The following TMC2 variants were observed in gnomAD, a reference collection of about 807,000 sequenced individuals.
TMC2 encodes transmembrane channel like 2, also known as transmembrane channel-like protein 2.
Under a neutral mutation model 105.9 loss-of-function variants are expected in TMC2, and 102 were observed. The observed-to-expected ratio is 0.96, with a 90% confidence interval of 0.82 to 1.14. The LOEUF is 1.14. TMC2 is among the 50% of genes most tolerant of loss of function. TMC2 has a pLI of 0.00. For synonymous variants in TMC2, 402 were observed against 422.8 expected (o/e 0.95, Z 0.60); for missense variants, 1,093 against 1,134.3 (o/e 0.96, Z 0.52).
chr20:2,630,893 C>A (rs745311235), intron 17 of TMC2, among the ~76,000 whole-genome samples: 1 of 152,150 alleles, frequency 6.6e-6, no homozygotes, highest in Admixed American at 6.5e-5. Context: ...TAGTGTTTAT[C>A]CATTCTGTCA....
intron 2 of TMC2, among the ~76,000 whole-genome samples, chr20:2,549,530 G>T (rs2085944567): frequency 6.6e-6 from 1 of 152,110 alleles, no homozygotes; most frequent in Non-Finnish European, 1.5e-5. Context: ...ATCACTTGAG[G>T]TCAGGAGTTT....
chr20:2,545,402 AATAGATGATATC>A (rs1446232306), intron 2 of TMC2, among the ~76,000 whole-genome samples: 1 of 152,202 alleles, frequency 6.6e-6, no homozygotes, highest in Admixed American at 6.5e-5. Flanking sequence ...AGAACAAATT[AATAGATGATATC>A]ATAGACAATT....
intron 7 of TMC2, among the ~76,000 whole-genome samples, chr20:2,588,151 T>C (rs759651077): frequency 2.0e-5 from 3 of 152,080 alleles, no homozygotes; most frequent in Non-Finnish European, 4.4e-5. Flanking sequence ...GTCACAGATA[T>C]TCAAAACATG....
chr20:2,584,258 C>A (rs952517505), intron 7 of TMC2, among the ~76,000 whole-genome samples: 6 of 151,376 alleles, frequency 4.0e-5, no homozygotes, highest in Non-Finnish European at 8.8e-5. Context: ...TCCCGGCTAA[C>A]ACGGTGAAAC....
Position 2,558,594 on chromosome 20 carries a change from C to T in TMC2, c.221C>T (p.Thr74Ile), listed in dbSNP as rs1472641575. ...PSPGSPRRKQTGRRRHREELG... is the reference protein window; with the variant it reads ...PSPGSPRRKQIGRRRHREELG... ...CCGGGGTCTCCCCGGAGGAAGCAAA[C>T]AGGGCGCAGGAGACACAGAGAAGAG... Residue 74 changes from threonine (T) to isoleucine (I), a missense_variant, in exon 3 of 20, where the codon ACA (threonine) becomes ATA (isoleucine). Thr to Ile is a moderately conservative substitution (Grantham distance 89). Coordinates refer to ENST00000358864, the MANE Select transcript of TMC2 (RefSeq NM_080751.3). This position sits in a 1 kb window ranked among gnomAD's most constrained non-coding sequence, Gnocchi z 4.6. 1 of 1,555,448 alleles carries T rather than the reference C, an allele frequency of 6.4e-7. No homozygotes were observed. Among genetic ancestry groups the T allele is most frequent in the African/African-American group, 1.4e-5 (1 of 73,336 alleles).
chr20:2,629,529 TAAA>T (rs56821075), intron 17 of TMC2, among the ~76,000 whole-genome samples: 26 of 116,058 alleles, frequency 2.2e-4, no homozygotes, highest in Non-Finnish European at 3.4e-4. Context: ...CTTACAGAAG[TAAA>T]AAAAAAAAAA....
chr20:2,613,476 C>T (rs1289062455), intron 14 of TMC2, 154 bp downstream of exon 14: 2 of 1,106,030 alleles, frequency 1.8e-6, no homozygotes, highest in Non-Finnish European at 2.7e-6. Flanking sequence ...TTTGTATTTC[C>T]TTTAAGGGTC....
chr20:2,602,243 T>C lies in TMC2; in HGVS notation c.1355T>C (p.Val452Ala), dbSNP rs752255447. Residue 452 changes from valine to alanine, a missense_variant, in exon 11 of 20, where the codon GTT becomes GCT. Physicochemically the swap from Val to Ala is moderately conservative, Grantham distance 64 (BLOSUM62 0). Transcript: ENST00000358864. ...AGTGGGTACCTCATTTACTTTGTGG[T>C]TAAGCGATCTCAGCAATTCTCCAAA... ...CGSGYLIYFV[V>A]KRSQQFSKMQ... 1 of 1,612,750 alleles carries C rather than the reference T, an allele frequency of 6.2e-7. No homozygotes were observed. The highest frequency in any genetic ancestry group is 1.1e-5 in the South Asian group (1 of 90,712).
At chr20:2,607,502 A>C (rs1314730255) in intron 11 of TMC2, among the ~76,000 whole-genome samples, 5 of 152,142 alleles carry the variant, frequency 3.3e-5, no homozygotes, top group Admixed American at 3.3e-4. Context: ...ATGACCTTGC[A>C]CTCACCTATT....
intron 7 of TMC2, among the ~76,000 whole-genome samples, chr20:2,587,359 C>T (rs1457666829): frequency 2.0e-5 from 3 of 151,920 alleles, no homozygotes; most frequent in Admixed American, 6.6e-5. Flanking sequence ...TGGAATAAAC[C>T]CAACTAGGTT....
At chr20:2,573,782 G>C (rs192392858) in intron 5 of TMC2, among the ~76,000 whole-genome samples, 17 of 150,698 alleles carry the variant, frequency 1.1e-4, no homozygotes, top group African/African-American at 2.7e-4. Context: ...GGATGGTCTC[G>C]ATCTCCTGAC....
chr20:2,592,240 C>A lies in TMC2; in HGVS notation c.835-70C>A. 1.1e-6 allele frequency: 1 copy of A among 928,026 alleles called. No individual in the cohort carries two copies. Among genetic ancestry groups the A allele is most frequent in the South Asian group, 1.4e-5 (1 of 71,218 alleles). 57.5% of individuals were successfully genotyped at this position (928,026 alleles called of 1,614,324 possible). On this transcript the variant is annotated intron_variant, in intron 7 of 19. Transcript: ENST00000358864. This position sits in a 1 kb window ranked among gnomAD's most constrained non-coding sequence, Gnocchi z 4.9. Reference sequence around the variant, plus strand: ...GCTCTGAGAAGGAAAGCATTTACCCCAGTATATGAATGTCTCTGTGTGTTT... The same window carrying A: ...GCTCTGAGAAGGAAAGCATTTACCCAAGTATATGAATGTCTCTGTGTGTTT...
chr20:2,628,572 C>T (rs1485587977), intron 17 of TMC2, among the ~76,000 whole-genome samples: 3 of 150,546 alleles, frequency 2.0e-5, no homozygotes, highest in African/African-American at 4.8e-5. Context: ...CCCCCCGTGC[C>T]GTTCTTGTGA....
chr20:2,592,296 T>A lies in TMC2; in HGVS notation c.835-14T>A, dbSNP rs766260252. The A allele has an allele frequency of 3.2e-6, 5 of 1,571,006 alleles. No individual in the cohort carries two copies. The highest frequency in any genetic ancestry group is 4.4e-6 in the Non-Finnish European group (5 of 1,141,160). ...TCCTCCACTCATACTTGTGTCATTG[T>A]GTTTCTGCACAAGGTACTGATGGGC... On this transcript the variant is annotated splice_polypyrimidine_tract_variant and intron_variant, in intron 7 of 19. Coordinates refer to ENST00000358864, the MANE Select transcript of TMC2 (RefSeq NM_080751.3). This position sits in a 1 kb window ranked among gnomAD's most constrained non-coding sequence, Gnocchi z 4.9.
Position 2,616,341 on chromosome 20 carries a change from A to G in TMC2, c.1940+137A>G. ...TCTGAACTCCCCTCTTTCACATGAA[A>G]AATCAAGAGCGGGACTAGATGAGAA... On this transcript the variant is annotated intron_variant, in intron 15 of 19. Transcript: ENST00000358864. This position sits in a 1 kb window ranked among gnomAD's most constrained non-coding sequence, Gnocchi z 4.8. The G allele has an allele frequency of 1.4e-6, 1 of 717,074 alleles. No homozygotes were observed. Among genetic ancestry groups the G allele is most frequent in the Non-Finnish European group, 2.5e-6 (1 of 404,590 alleles). The allele number at this position is 717,074 out of a possible 1,614,324, so 44.4% of individuals were successfully genotyped here.
chr20:2,586,932 G>A (rs1164212914), intron 7 of TMC2, among the ~76,000 whole-genome samples: 1 of 152,002 alleles, frequency 6.6e-6, no homozygotes, highest in African/African-American at 2.4e-5. Context: ...AGTTATTTAT[G>A]AATAATTTTC....
intron 17 of TMC2, among the ~76,000 whole-genome samples, chr20:2,629,529 T>TTAA (rs71329389): frequency 8.6e-6 from 1 of 116,070 alleles, no homozygotes; most frequent in Non-Finnish European, 1.7e-5. Context: ...CTTACAGAAG[T>TTAA]AAAAAAAAAA....
At position 2,592,478 on chromosome 20, in the gene TMC2, T is replaced by A; in HGVS notation, c.933+70T>A. On this transcript the variant is annotated intron_variant, in intron 8 of 19. Coordinates refer to ENST00000358864, the MANE Select transcript of TMC2 (RefSeq NM_080751.3). The surrounding 1 kb of genome is among the most constrained non-coding windows in gnomAD (Gnocchi z 4.9). Reference sequence around the variant, plus strand: ...AGGCTAAAGATTGCATGGATAAGTATGAAATAGTGCGTTTAATTATTGAAA... The same window carrying A: ...AGGCTAAAGATTGCATGGATAAGTAAGAAATAGTGCGTTTAATTATTGAAA... 1.9e-6 allele frequency: 2 copies of A among 1,046,070 alleles called. No individual in the cohort carries two copies. The highest frequency in any genetic ancestry group is 3.0e-6 in the Non-Finnish European group (2 of 664,446). 64.8% of individuals were successfully genotyped at this position (1,046,070 alleles called of 1,614,324 possible).
intron 4 of TMC2, among the ~76,000 whole-genome samples, chr20:2,564,296 G>A (rs552631230): frequency 6.6e-6 from 1 of 151,882 alleles, no homozygotes. Flanking sequence ...GACTACAGGC[G>A]CCCACCACCG....
Sources: gnomAD v4.1 joint callset for allele counts (sites outside exome capture counted in the v4.1 genomes callset) on GRCh38, gnomAD v4.1.1 for gene constraint, Gnocchi (gnomAD v3.1) non-coding constraint, MANE v1.5 for transcripts, NCBI Gene and HGNC (gene_info 2026-07-23, HGNC 2026-07-21) for gene names.